The following UMPS variants were observed in gnomAD, a reference collection of about 807,000 sequenced individuals.
UMPS encodes the protein uridine monophosphate synthetase, also known as uridine 5'-monophosphate synthase.
A neutral mutation model predicts 38.9 loss-of-function variants in UMPS; 21 were observed. The ratio of observed to expected loss-of-function variants is 0.54; its 90% CI spans 0.38 to 0.78. UMPS has a LOEUF of 0.78. Ranked by LOEUF, UMPS falls within the 30% of genes least tolerant of loss-of-function variation. The probability of loss-of-function intolerance (pLI) is 0.00; values close to 1 mark genes in which losing one functional copy is unlikely to be tolerated. For missense variants in UMPS, 533 were observed against 591.6 expected (o/e 0.90, Z 1.03); for synonymous variants, 208 against 219.3 (o/e 0.95, Z 0.45).
Position 124,746,786 on chromosome 3 carries a change from T to C in UMPS, c.*2702T>C. ...GTGTGTGTGTGTGTGTGTGTGTGTGTGTGTGTGTGTGCATGCGCGCGCGTG... is the reference window on the plus strand; with the variant it reads ...GTGTGTGTGTGTGTGTGTGTGTGTGCGTGTGTGTGTGCATGCGCGCGCGTG... On this transcript the variant is annotated 3_prime_UTR_variant, in exon 6 of 6. Transcript: ENST00000232607. The C allele has an allele frequency of 2.3e-6, 1 of 428,400 alleles. No homozygotes were observed. The highest frequency in any genetic ancestry group is 7.4e-4 in the Middle Eastern group (1 of 1,358). The allele number at this position is 428,400 out of a possible 1,614,324, so 26.5% of individuals were successfully genotyped here. A position where few individuals can be genotyped will look rare whatever the true frequency, so the allele number is the denominator to read the frequency against.
Position 124,747,351 on chromosome 3 carries a change from T to C in UMPS, c.*3267T>C, listed in dbSNP as rs778127903. The C allele has an allele frequency of 2.2e-6, 1 of 454,976 alleles. No homozygotes were observed. The allele number at this position is 454,976 out of a possible 1,614,324, so 28.2% of individuals were successfully genotyped here. On this transcript the variant is annotated 3_prime_UTR_variant, in exon 6 of 6. Transcript: ENST00000232607. ...CCACAGGAGAGCCAACAGCAGAGGG[T>C]GCTGGCCGCTGAGCTAGCTGCTAAT...
chr3:124,732,340 T>G (rs908575373), intron 1 of UMPS: 2 of 154,580 alleles, frequency 1.3e-5, no homozygotes, highest in African/African-American at 4.8e-5. Context: ...GTGGACATAT[T>G]GGGAAAGCAG....
intron 1 of UMPS, chr3:124,731,367 CG>C: frequency 4.0e-6 from 1 of 251,762 alleles, no homozygotes; most frequent in South Asian, 4.2e-5. Flanking sequence ...TATGCAGCCC[CG>C]GGACAATTAT....
rs753621194 is a variant in UMPS, at chr3:124,740,160, C to T, written c.1119C>T (p.Ser373=). 2 of 1,613,490 alleles carry T rather than the reference C, an allele frequency of 1.2e-6. No homozygotes were observed. The highest frequency in any genetic ancestry group is 4.5e-5 in the East Asian group (2 of 44,880). Residue 373 remains serine, a synonymous_variant, in exon 4 of 6, where the codon TCC becomes TCT. Coordinates refer to ENST00000232607, the MANE Select transcript of UMPS (RefSeq NM_000373.4). ...GCCTCCTTATTGCGGAAATGAGCTCCACCGGCTCCCTGGCCACTGGGGACT... is the reference window on the plus strand; with the variant it reads ...GCCTCCTTATTGCGGAAATGAGCTCTACCGGCTCCCTGGCCACTGGGGACT... The part of the protein sequence containing the change: ...RGCLLIAEMS[S]TGSLATGDYT...
chr3:124,735,352 C>CT, intron 2 of UMPS, 106 bp downstream of exon 2: 1 of 1,073,704 alleles, frequency 9.3e-7, no homozygotes, highest in Non-Finnish European at 1.4e-6. Context: ...ATCTTGAGTT[C>CT]TTTAAGTTGT....
intron 1 of UMPS, chr3:124,733,515 CT>C (rs1268535052): frequency 5.4e-6 from 1 of 186,868 alleles, no homozygotes; most frequent in Admixed American, 4.9e-5. Context: ...GGATTACTGA[CT>C]GCCTTGCTGT....
At chr3:124,730,707 G>A in intron 1 of UMPS, 80 bp downstream of exon 1, 2 of 1,530,674 alleles carry the variant, frequency 1.3e-6, no homozygotes, top group South Asian at 2.5e-5. Context: ...ACAGGAGTTG[G>A]GCCGTGAGTG....
intron 2 of UMPS, among the ~76,000 whole-genome samples, chr3:124,735,550 C>T (rs1444511237): frequency 6.6e-6 from 1 of 151,994 alleles, no homozygotes; most frequent in African/African-American, 2.4e-5. Context: ...CACATACTTT[C>T]CCAGTATGTT....
At position 124,737,681 on chromosome 3, in the gene UMPS, GA is replaced by G; in HGVS notation, c.425del (p.Glu142GlyfsTer3). Reference sequence around the variant, plus strand: ...GGAAACTGTTGAGGTTCTTCAGAAGGAGGGCTTGAAGGTCACTGATGCCATA... The same window carrying G: ...GGAAACTGTTGAGGTTCTTCAGAAGGGGGCTTGAAGGTCACTGATGCCATA... Reference protein sequence around the residue: ...VLETVEVLQKEGLKVTDAIVL... With the variant: ...VLETVEVLQKXGLKVTDAIVL... On this transcript the variant is annotated frameshift_variant, in exon 3 of 6. Coordinates refer to ENST00000232607, the MANE Select transcript of UMPS (RefSeq NM_000373.4). LOFTEE classifies it high-confidence loss of function. 6.2e-7 allele frequency: 1 copy of G among 1,614,218 alleles called. No homozygotes were observed. Among genetic ancestry groups the G allele is most frequent in the Non-Finnish European group, 8.5e-7 (1 of 1,180,040 alleles).
In UMPS at chr3:124,745,368, AT is replaced by A. The variant is rs11330991; in HGVS notation, c.*1299del. The A allele has an allele frequency of 0.39, 165,625 of 419,842 alleles. 13,061 individuals carry two copies. The highest frequency in any genetic ancestry group is 0.43 in the Middle Eastern group (578 of 1,340). 26.0% of individuals were successfully genotyped at this position (419,842 alleles called of 1,614,324 possible). On this transcript the variant is annotated 3_prime_UTR_variant, in exon 6 of 6. Coordinates refer to ENST00000232607, the MANE Select transcript of UMPS (RefSeq NM_000373.4). ...TTAATGACTCAGAGGAATGCCTAGG[AT>A]TTTTTTTTTTTTTTGAGACAGAATC...
At chr3:124,743,765 C>T (rs1468633320) in intron 5 of UMPS, 150 bp from the exon 6 acceptor site, 2 of 873,832 alleles carry the variant, frequency 2.3e-6, no homozygotes, top group African/African-American at 1.7e-5. Context: ...CTCTTCAGCT[C>T]CTGTTTTTAC....
At chr3:124,739,914 C>G (rs974297155) in intron 3 of UMPS, 110 bp from the exon 4 acceptor site, 2 of 1,058,592 alleles carry the variant, frequency 1.9e-6, no homozygotes, top group African/African-American at 1.6e-5. Context: ...TTGATTCTCT[C>G]ATTAACATGT....
chr3:124,742,414 A>G (rs913284327), intron 5 of UMPS, 148 bp downstream of exon 5: 1 of 666,312 alleles, frequency 1.5e-6, no homozygotes, highest in Non-Finnish European at 2.7e-6. Context: ...GTAACTATGT[A>G]TCTTTGGACA....
In UMPS at chr3:124,749,191, CAG is replaced by C. The variant is rs1236555878; in HGVS notation, c.*5111_*5112del. 2.6e-5 allele frequency: 12 copies of C among 453,854 alleles called. No individual in the cohort carries two copies. The highest frequency in any genetic ancestry group is 4.9e-5 in the Non-Finnish European group (11 of 226,764). 28.1% of individuals were successfully genotyped at this position (453,854 alleles called of 1,614,324 possible). ...CCACAACTTGAATAGATACTTGAAG[CAG>C]AGATGATGTTGAGTTAAAAAAAATA... On this transcript the variant is annotated 3_prime_UTR_variant, in exon 6 of 6. Coordinates refer to ENST00000232607, the MANE Select transcript of UMPS (RefSeq NM_000373.4).
rs1559908092 is a variant in UMPS at position 124,744,444 on chromosome 3, TCA to T, written c.*362_*363del. ...TTTTAATTTTTTTCGAGACAGGATC[TCA>T]CTCTGTTGCCCAGGATGGAGTGCAG... On this transcript the variant is annotated 3_prime_UTR_variant, in exon 6 of 6. Transcript: ENST00000232607. The T allele has an allele frequency of 2.2e-6, 1 of 454,958 alleles. No homozygotes were observed. The highest frequency in any genetic ancestry group is 6.9e-5 in the East Asian group (1 of 14,454). 28.2% of individuals were successfully genotyped at this position (454,958 alleles called of 1,614,324 possible). A position where few individuals can be genotyped will look rare whatever the true frequency, so the allele number is the denominator to read the frequency against.
rs1489317336 is a variant in UMPS at position 124,738,511 on chromosome 3, A to G, written c.982+272A>G. The G allele has an allele frequency of 1.4e-5, 6 of 418,156 alleles. 1 individual carries two copies. Among genetic ancestry groups the G allele is most frequent in the Non-Finnish European group, 2.7e-5 (6 of 225,166 alleles). The allele number at this position is 418,156 out of a possible 1,614,324, so 25.9% of individuals were successfully genotyped here. A position where few individuals can be genotyped will look rare whatever the true frequency, so the allele number is the denominator to read the frequency against. On this transcript the variant is annotated intron_variant, in intron 3 of 5. Coordinates refer to ENST00000232607, the MANE Select transcript of UMPS (RefSeq NM_000373.4). ...CTTGGGATGTAGAATACCTTCATTA[A>G]CTAGCCTGGGCAATTTGCTCTGCAA...
At position 124,747,824 on chromosome 3, in the gene UMPS, T is replaced by A. The variant is rs1195696881; in HGVS notation, c.*3740T>A. 6.6e-6 allele frequency: 3 copies of A among 452,006 alleles called. No individual in the cohort carries two copies. Among genetic ancestry groups the A allele is most frequent in the African/African-American group, 6.0e-5 (3 of 49,940 alleles). 28.0% of individuals were successfully genotyped at this position (452,006 alleles called of 1,614,324 possible). Reference sequence around the variant, plus strand: ...GCATCAGCGATCTCTCCCAGCGAAATAGCTGCTTGGTCTTGTGTGAATCCT... The same window carrying A: ...GCATCAGCGATCTCTCCCAGCGAAAAAGCTGCTTGGTCTTGTGTGAATCCT... On this transcript the variant is annotated 3_prime_UTR_variant, in exon 6 of 6. Coordinates refer to ENST00000232607, the MANE Select transcript of UMPS (RefSeq NM_000373.4).
rs2063608002 is a variant in UMPS, at chr3:124,747,125, C to G, written c.*3041C>G. 4.4e-6 allele frequency: 2 copies of G among 453,836 alleles called. No homozygotes were observed. The highest frequency in any genetic ancestry group is 8.8e-6 in the Non-Finnish European group (2 of 226,734). 28.1% of individuals were successfully genotyped at this position (453,836 alleles called of 1,614,324 possible). ...ATCCGCTCAAGTAGCTGGAACTACT[C>G]TCAAGTAGCTCTCAAGAGCCTCTCG... On this transcript the variant is annotated 3_prime_UTR_variant, in exon 6 of 6. Coordinates refer to ENST00000232607, the MANE Select transcript of UMPS (RefSeq NM_000373.4).
In UMPS at chr3:124,737,938, C is replaced by A. The variant is rs148036615; in HGVS notation, c.681C>A (p.Phe227Leu). 8.7e-6 allele frequency: 14 copies of A among 1,614,198 alleles called. No individual in the cohort carries two copies. Among genetic ancestry groups the A allele is most frequent in the Non-Finnish European group, 1.1e-5 (13 of 1,180,030 alleles). Reference protein sequence around the residue: ...SIKEAPKELSFGARAELPRIH... With the variant: ...SIKEAPKELSLGARAELPRIH... ...AGGAAGCACCCAAAGAACTCAGCTT[C>A]GGTGCACGTGCAGAGCTGCCCAGGA... Residue 227 changes from phenylalanine (F) to leucine (L), a missense_variant, in exon 3 of 6, where the codon TTC becomes TTA. Physicochemically the swap from Phe to Leu is conservative, Grantham distance 22 (BLOSUM62 0). Coordinates refer to ENST00000232607, the MANE Select transcript of UMPS (RefSeq NM_000373.4).
Sources: allele counts gnomAD v4.1 joint callset (sites outside exome capture counted in the v4.1 genomes callset), GRCh38; gene constraint gnomAD v4.1.1; transcripts MANE v1.5; gene names NCBI Gene and HGNC (gene_info 2026-07-23, HGNC 2026-07-21).